The following NXPE2 variants were observed in gnomAD, a reference collection of about 807,000 sequenced individuals.
The protein encoded by NXPE2 is NXPE family member 2.
Under a neutral mutation model 34.4 loss-of-function variants are expected in NXPE2, and 34 were observed. The observed-to-expected ratio is 0.99, with a 90% confidence interval of 0.75 to 1.31. NXPE2 has a LOEUF of 1.31. NXPE2 is among the 40% of genes most tolerant of loss of function. The pLI, the probability that NXPE2 is intolerant of heterozygous loss-of-function variation, is 0.00. For missense variants in NXPE2, 649 were observed against 672.5 expected (o/e 0.97, Z 0.39); for synonymous variants, 235 against 231.3 (o/e 1.02, Z -0.15).
At chr11:114,768,848 T>C in the NXPE2 span, among the ~76,000 whole-genome samples, 2 of 152,014 alleles carry the variant, frequency 1.3e-5, no homozygotes, top group African/African-American at 4.8e-5. Flanking sequence ...TCTAAAACCA[T>C]AAAAACCCTA....
At chr11:114,764,948 C>A in the NXPE2 span, among the ~76,000 whole-genome samples, 1 of 152,088 alleles carries the variant, frequency 6.6e-6, no homozygotes, top group African/African-American at 2.4e-5. Context: ...AAAGAGGTTT[C>A]TTTTCTCTCA....
the NXPE2 span, among the ~76,000 whole-genome samples, chr11:114,656,603 T>G: frequency 2.0e-5 from 3 of 152,050 alleles, no homozygotes; most frequent in South Asian, 6.2e-4. Context: ...TATAATATAC[T>G]TAATACAGTA....
At chr11:114,743,939 A>C in the NXPE2 span, among the ~76,000 whole-genome samples, 2 of 151,506 alleles carry the variant, frequency 1.3e-5, no homozygotes, top group African/African-American at 4.8e-5. Context: ...ATAAGTGTAT[A>C]TTTATATATG....
At chr11:114,737,935 A>T in the NXPE2 span, among the ~76,000 whole-genome samples, 2 of 152,214 alleles carry the variant, frequency 1.3e-5, no homozygotes, top group African/African-American at 4.8e-5. Context: ...AATAAAAAAA[A>T]AATTTGCCGG....
chr11:114,656,592 T>G, the NXPE2 span, among the ~76,000 whole-genome samples: 1 of 152,010 alleles, frequency 6.6e-6, no homozygotes, highest in Non-Finnish European at 1.5e-5. Context: ...TGAAAAATAT[T>G]TATAATATAC....
chr11:114,610,895 A>T, the NXPE2 span, among the ~76,000 whole-genome samples: 1 of 151,838 alleles, frequency 6.6e-6, no homozygotes, highest in Non-Finnish European at 1.5e-5. Flanking sequence ...TCTCATGGGT[A>T]ATCAATGGTA....
At chr11:114,493,273 C>A in the NXPE2 span, among the ~76,000 whole-genome samples, 2,401 of 152,196 alleles carry the variant, frequency 0.016, 44 homozygotes, top group African/African-American at 0.052. Flanking sequence ...CTTTCAGCCA[C>A]TCTGTTACTT....
At chr11:114,750,701 G>A in the NXPE2 span, among the ~76,000 whole-genome samples, 2 of 152,236 alleles carry the variant, frequency 1.3e-5, no homozygotes, top group East Asian at 3.9e-4. Context: ...TACTTCCCAA[G>A]TTACATAGGT....
At chr11:114,615,335 G>A in the NXPE2 span, among the ~76,000 whole-genome samples, 20 of 152,010 alleles carry the variant, frequency 1.3e-4, no homozygotes, top group Admixed American at 2.0e-4. Context: ...ATTACCCGCC[G>A]GATACTAAGT....
chr11:114,694,579 T>A (rs1951213060), intron 2 of NXPE2, among the ~76,000 whole-genome samples: 1 of 152,178 alleles, frequency 6.6e-6, no homozygotes, highest in Admixed American at 6.5e-5. Context: ...ATTATGTGTA[T>A]TTATGCCTAT....
chr11:114,521,734 T>G, the NXPE2 span: 2 of 440,232 alleles, frequency 4.5e-6, no homozygotes, highest in Non-Finnish European at 8.0e-6. Context: ...AAAAACTTTT[T>G]TAATATTTTA....
chr11:114,535,134 C>A, the NXPE2 span, among the ~76,000 whole-genome samples: 4 of 152,186 alleles, frequency 2.6e-5, no homozygotes, highest in East Asian at 5.8e-4. Flanking sequence ...ATTCAAAATT[C>A]TTAAAGAAAA....
intron 2 of NXPE2, among the ~76,000 whole-genome samples, chr11:114,692,884 C>T (rs779118648): frequency 1.3e-4 from 20 of 151,810 alleles, no homozygotes; most frequent in Non-Finnish European, 2.8e-4. Flanking sequence ...CTTGGCTCAC[C>T]GCAACAACTA....
chr11:114,777,727 T>C, the NXPE2 span, among the ~76,000 whole-genome samples: 2 of 152,232 alleles, frequency 1.3e-5, no homozygotes, highest in Admixed American at 6.5e-5. Context: ...AGTACAGTGA[T>C]GAAAAGCAGG....
chr11:114,633,877 G>C, the NXPE2 span, among the ~76,000 whole-genome samples: 1 of 151,786 alleles, frequency 6.6e-6, no homozygotes, highest in African/African-American at 2.4e-5. Flanking sequence ...TTGGATATTG[G>C]GGTTGGTTCC....
chr11:114,571,871 GT>G, the NXPE2 span, among the ~76,000 whole-genome samples: 9 of 152,330 alleles, frequency 5.9e-5, no homozygotes, highest in Admixed American at 2.0e-4. Context: ...CCTAGGGCAA[GT>G]TTCCATCCTG....
chr11:114,536,886 T>A, the NXPE2 span, among the ~76,000 whole-genome samples: 4 of 152,206 alleles, frequency 2.6e-5, no homozygotes, highest in Admixed American at 2.0e-4. Context: ...CATCTGAAAC[T>A]ATTCCAATCA....
chr11:114,479,976 A>C, the NXPE2 span, among the ~76,000 whole-genome samples: 1 of 152,152 alleles, frequency 6.6e-6, no homozygotes, highest in African/African-American at 2.4e-5. Context: ...CAAGAGAGAC[A>C]TCAGGCTTTT....
At chr11:114,637,114 C>T in the NXPE2 span, among the ~76,000 whole-genome samples, 1 of 151,680 alleles carries the variant, frequency 6.6e-6, no homozygotes, top group Non-Finnish European at 1.5e-5. Flanking sequence ...CTTTGTAGGT[C>T]ACTCAGGACT....
Sources: allele counts gnomAD v4.1 joint callset (sites outside exome capture counted in the v4.1 genomes callset), GRCh38; gene constraint gnomAD v4.1.1; transcripts MANE v1.5; gene names NCBI Gene and HGNC (gene_info 2026-07-23, HGNC 2026-07-21).